RALYL: variants seen among roughly 807,000 people sequenced by gnomAD.
RALYL encodes the protein RNA-binding Raly-like protein.
RALYL carries 29 observed loss-of-function variants against 35.1 expected under a neutral mutation model. The ratio of observed to expected loss-of-function variants is 0.83; its 90% confidence interval spans 0.61 to 1.13. The LOEUF (loss-of-function observed/expected upper bound fraction) is 1.13. Among genes scored for constraint, RALYL ranks in the 50% most tolerant of loss-of-function variants. The pLI is 0.00. For synonymous variants in RALYL, 120 were observed against 127.6 expected (o/e 0.94, Z 0.40); for missense variants, 359 against 360.4 (o/e 1.00, Z 0.03).
chr8:84,490,632 T>C (rs1474328441), intron 1 of RALYL, among the ~76,000 whole-genome samples: 1 of 151,820 alleles, frequency 6.6e-6, no homozygotes, highest in Non-Finnish European at 1.5e-5. Context: ...GAATCAATAT[T>C]TATTAAAGGA....
chr8:84,735,942 A>G (rs1847230543), intron 2 of RALYL, among the ~76,000 whole-genome samples: 1 of 151,906 alleles, frequency 6.6e-6, no homozygotes, highest in South Asian at 2.1e-4. Flanking sequence ...GACCAGCCTC[A>G]CAGTTGTCTC....
At chr8:84,872,156 G>T (rs758033660) in intron 6 of RALYL, among the ~76,000 whole-genome samples, 1 of 152,096 alleles carries the variant, frequency 6.6e-6, no homozygotes, top group Admixed American at 6.6e-5. Flanking sequence ...ATAAAAGCTC[G>T]GAGGCAGATA....
intron 1 of RALYL, among the ~76,000 whole-genome samples, chr8:84,348,433 C>T (rs949212157): frequency 5.3e-5 from 8 of 152,032 alleles, no homozygotes; most frequent in Non-Finnish European, 1.5e-5. Flanking sequence ...CTGCATGTCC[C>T]ACTGACATTC....
chr8:84,625,556 A>C (rs190828163), intron 2 of RALYL, among the ~76,000 whole-genome samples: 7 of 152,324 alleles, frequency 4.6e-5, no homozygotes, highest in African/African-American at 1.7e-4. Flanking sequence ...TTTATCAGCT[A>C]ACTTTTCTAA....
intron 1 of RALYL, among the ~76,000 whole-genome samples, chr8:84,215,983 C>T (rs1047420236): frequency 3.3e-5 from 5 of 152,086 alleles, no homozygotes; most frequent in Non-Finnish European, 7.4e-5. Context: ...ATAATATTCT[C>T]AAAATTTATA....
rs1486336023 is a variant in RALYL, at chr8:84,862,398, C to A, written c.516C>A (p.Val172=). 6.2e-7 allele frequency: 1 copy of A among 1,605,550 alleles called. No homozygotes were observed. The highest frequency in any genetic ancestry group is 1.7e-5 in the Admixed American group (1 of 58,602). ...CAACGACTCGCAGGGGGAAAGGAGT[C>A]TTTTCCATGAAAGGTGGATCGAGAT... is the stretch of plus-strand genomic sequence containing the variant. The part of the protein sequence containing the change: ...AVTTTRRGKG[V]FSMKGGSRST... The change falls in exon 6 of 9, where the codon GTC becomes GTA. Residue 172 remains valine, a synonymous_variant. Coordinates refer to ENST00000521268, the MANE Select transcript of RALYL (RefSeq NM_173848.7).
intron 8 of RALYL, among the ~76,000 whole-genome samples, chr8:84,894,481 C>T (rs1190183045): frequency 1.3e-5 from 2 of 152,146 alleles, no homozygotes; most frequent in Admixed American, 6.6e-5. Context: ...CCCTGTCCTA[C>T]TGAGAATAGA....
At chr8:84,799,316 A>C (rs1414522163) in intron 3 of RALYL, among the ~76,000 whole-genome samples, 1 of 152,212 alleles carries the variant, frequency 6.6e-6, no homozygotes, top group East Asian at 1.9e-4. Flanking sequence ...TTATAAGAAA[A>C]TACTTCCTGG....
intron 2 of RALYL, among the ~76,000 whole-genome samples, chr8:84,631,009 C>G (rs1388319204): frequency 4.6e-5 from 7 of 151,906 alleles, no homozygotes; most frequent in African/African-American, 1.7e-4. Flanking sequence ...GACACTAAAA[C>G]CAGGTAAAAA....
intron 1 of RALYL, among the ~76,000 whole-genome samples, chr8:84,293,314 T>G (rs187334112): frequency 1.3e-5 from 2 of 152,254 alleles, no homozygotes; most frequent in Non-Finnish European, 2.9e-5. Context: ...CATCGATCCC[T>G]TAGATGTTGG....
chr8:84,531,468 T>A (rs1410468458), intron 2 of RALYL, among the ~76,000 whole-genome samples: 1 of 152,136 alleles, frequency 6.6e-6, no homozygotes, highest in Non-Finnish European at 1.5e-5. Context: ...AGAAAGGAAG[T>A]GCTTTCCAAC....
intron 1 of RALYL, among the ~76,000 whole-genome samples, chr8:84,238,596 T>A (rs1184565515): frequency 6.6e-6 from 1 of 152,166 alleles, no homozygotes; most frequent in Non-Finnish European, 1.5e-5. Context: ...TTGAAATTCA[T>A]GGTGAACCTG....
At chr8:84,407,477 A>G (rs1319192203) in intron 1 of RALYL, among the ~76,000 whole-genome samples, 1 of 152,174 alleles carries the variant, frequency 6.6e-6, no homozygotes, top group African/African-American at 2.4e-5. Context: ...AACAATTATC[A>G]GTATCTACAG....
At chr8:84,374,611 G>A (rs1457584622) in intron 1 of RALYL, among the ~76,000 whole-genome samples, 1 of 151,812 alleles carries the variant, frequency 6.6e-6, no homozygotes, top group Non-Finnish European at 1.5e-5. Flanking sequence ...TGCAGGAACA[G>A]AAAACCAAGT....
At chr8:84,835,683 C>CAAAAAAAAAAAA (rs5892932) in intron 4 of RALYL, among the ~76,000 whole-genome samples, 1 of 72,556 alleles carries the variant, frequency 1.4e-5, no homozygotes, top group Non-Finnish European at 2.7e-5. Context: ...AACTCCGTCT[C>CAAAAAAAAAAAA]AAAAAAAAAA....
intron 1 of RALYL, among the ~76,000 whole-genome samples, chr8:84,466,763 C>A (rs911560750): frequency 7.7e-4 from 104 of 135,748 alleles, no homozygotes; most frequent in Admixed American, 1.1e-3. Context: ...GCTGTGAATC[C>A]ATCTGGTCCT....
At chr8:84,530,794 GC>G (rs1315371369) in intron 2 of RALYL, among the ~76,000 whole-genome samples, 1 of 152,042 alleles carries the variant, frequency 6.6e-6, no homozygotes, top group Non-Finnish European at 1.5e-5. Flanking sequence ...GCCCTATACT[GC>G]CACATCTTCA....
intron 4 of RALYL, among the ~76,000 whole-genome samples, chr8:84,827,768 A>T (rs184520387): frequency 6.6e-6 from 1 of 152,188 alleles, no homozygotes; most frequent in Non-Finnish European, 1.5e-5. Flanking sequence ...GAGGCTTCAG[A>T]TAAAAAGAAA....
intron 1 of RALYL, among the ~76,000 whole-genome samples, chr8:84,416,258 C>T (rs978244910): frequency 6.6e-6 from 1 of 152,220 alleles, no homozygotes; most frequent in East Asian, 1.9e-4. Context: ...TTCTGGTCCT[C>T]ATCACACCTA....
Sources: allele counts gnomAD v4.1 joint callset (sites outside exome capture counted in the v4.1 genomes callset), GRCh38; gene constraint gnomAD v4.1.1; transcripts MANE v1.5; gene names NCBI Gene and HGNC (gene_info 2026-07-23, HGNC 2026-07-21).